CATSPERE: variants seen among roughly 807,000 people sequenced by gnomAD.
CATSPERE encodes cation channel sperm-associated auxiliary subunit epsilon.
Under a neutral mutation model 114.1 loss-of-function variants are expected in CATSPERE, and 93 were observed. That is an observed-to-expected ratio of 0.81 (90% CI 0.69 to 0.97). The LOEUF (loss-of-function observed/expected upper bound fraction) is 0.97, where lower values mean the gene tolerates loss of function less well. Among genes scored for constraint, CATSPERE ranks in the 50% least tolerant of loss-of-function variants. CATSPERE has a pLI of 0.00. For synonymous variants in CATSPERE, 341 were observed against 384.1 expected, an observed-to-expected ratio of 0.89 and a Z score of 1.31; for missense variants, 1,058 against 1,131.6, an observed-to-expected ratio of 0.93 and a Z score of 0.93.
In CATSPERE at chr1:244,470,709, C is replaced by T. The variant is rs1558315580; in HGVS notation, c.114+6753C>T. 2.6e-5 allele frequency among the ~76,000 whole-genome samples: 4 copies of T among 152,132 alleles called. No individual in the cohort carries two copies. In the South Asian group the frequency reaches 6.2e-4, roughly 24 times the overall value. On this transcript the variant is annotated intron_variant, in intron 2 of 21. Coordinates refer to ENST00000366534, the MANE Select transcript of CATSPERE (RefSeq NM_001130957.2). ...TATAATGTCCACACAAAAACTAGTA[C>T]ATGAATGTTCACAGAAGCATTATTC...
rs1171261036 is a variant in CATSPERE at position 244,504,747 on chromosome 1, C to T, written c.429+5668C>T. ...CAGAAGTAAAGTGGCATTCCCATTA[C>T]GCGCAATCAAGGGCGCATACAATCA... On this transcript the variant is annotated intron_variant, in intron 7 of 21. Coordinates refer to ENST00000366534, the MANE Select transcript of CATSPERE (RefSeq NM_001130957.2). This position sits in a 1 kb window ranked among gnomAD's most constrained non-coding sequence, Gnocchi z 4.1. 6.6e-6 allele frequency among the ~76,000 whole-genome samples: 1 copy of T among 152,192 alleles called. No homozygotes were observed. The highest frequency in any genetic ancestry group is 1.5e-5 in the Non-Finnish European group (1 of 68,040).
chr1:244,477,616 TA>T lies in CATSPERE; in HGVS notation c.188+4del. On this transcript the variant is annotated splice_donor_region_variant and intron_variant, in intron 3 of 21. Coordinates refer to ENST00000366534, the MANE Select transcript of CATSPERE (RefSeq NM_001130957.2). The stretch of plus-strand genomic sequence containing the variant: ...AACTTGTTTTGTGCTAAATAAAAGG[TA>T]AGATTTATGCCATGAATATCAATGT... The T allele has an allele frequency of 6.4e-7, 1 of 1,561,566 alleles. No individual in the cohort carries two copies.
intron 8 of CATSPERE, among the ~76,000 whole-genome samples, chr1:244,549,799 G>A (rs971957493): frequency 6.6e-5 from 10 of 152,016 alleles, no homozygotes; most frequent in African/African-American, 2.4e-4. Context: ...GGGGATGCCC[G>A]GATAGCTGGT....
chr1:244,528,825 A>ACACACACACACACACACACACT (rs1471635883), intron 8 of CATSPERE, among the ~76,000 whole-genome samples: 2 of 147,282 alleles, frequency 1.4e-5, no homozygotes, highest in African/African-American at 5.0e-5. Flanking sequence ...ACACACACAC[A>ACACACACACACACACACACACT]CTCTACTCTT....
chr1:244,574,995 C>A (rs1665020849), intron 11 of CATSPERE, among the ~76,000 whole-genome samples: 1 of 152,116 alleles, frequency 6.6e-6, no homozygotes, highest in Non-Finnish European at 1.5e-5. Context: ...ATCTCTGTCT[C>A]TTTCAGTCTC....
At chr1:244,550,856 C>T (rs1430437847) in intron 8 of CATSPERE, among the ~76,000 whole-genome samples, 1 of 152,172 alleles carries the variant, frequency 6.6e-6, no homozygotes, top group Non-Finnish European at 1.5e-5. Flanking sequence ...ATCTTTCAAC[C>T]TGCTGTCATT....
At chr1:244,465,197 G>A (rs888717991) in intron 2 of CATSPERE, among the ~76,000 whole-genome samples, 2 of 151,936 alleles carry the variant, frequency 1.3e-5, no homozygotes, top group African/African-American at 2.4e-5. Context: ...TACCATGCCC[G>A]GCTAATTTTT....
intron 15 of CATSPERE, among the ~76,000 whole-genome samples, chr1:244,592,482 A>G (rs1005207590): frequency 2.6e-5 from 4 of 152,188 alleles, no homozygotes; most frequent in African/African-American, 9.6e-5. Flanking sequence ...TGAAATATTT[A>G]CAAGCATCTT....
In CATSPERE at chr1:244,461,507, C is replaced by A; in HGVS notation, c.65+13C>A. 7.7e-7 allele frequency: 1 copy of A among 1,302,828 alleles called. No individual in the cohort carries two copies. Among genetic ancestry groups the A allele is most frequent in the South Asian group, 2.6e-5 (1 of 38,262 alleles). 80.7% of individuals were successfully genotyped at this position (1,302,828 alleles called of 1,614,324 possible). A position where few individuals can be genotyped will look rare whatever the true frequency, so the allele number is the denominator to read the frequency against. ...CCGCCCTTTGGAGGTAGAGAGACGCCAGTCGCAGGCGAGCGACTAGGCGGG... is the reference window on the plus strand; with the variant it reads ...CCGCCCTTTGGAGGTAGAGAGACGCAAGTCGCAGGCGAGCGACTAGGCGGG... On this transcript the variant is annotated intron_variant, in intron 1 of 21. Coordinates refer to ENST00000366534, the MANE Select transcript of CATSPERE (RefSeq NM_001130957.2).
At chr1:244,456,026 C>G (rs905841280) in intron 1 of CATSPERE, among the ~76,000 whole-genome samples, 17 of 152,062 alleles carry the variant, frequency 1.1e-4, no homozygotes, top group Admixed American at 3.3e-4. Context: ...CTTGGCTCTT[C>G]GCACACTTGG....
At chr1:244,584,037 GCAATACCTCCATA>G (rs577788644) in intron 13 of CATSPERE, 98 bp downstream of exon 13, 14 of 846,862 alleles carry the variant, frequency 1.7e-5, no homozygotes, top group African/African-American at 1.0e-4. Flanking sequence ...ATACCTCCAT[GCAATACCTCCATA>G]CAATACCTCC....
intron 14 of CATSPERE, among the ~76,000 whole-genome samples, chr1:244,589,922 T>A (rs1478851016): frequency 6.6e-6 from 1 of 152,086 alleles, no homozygotes; most frequent in Non-Finnish European, 1.5e-5. Flanking sequence ...CCCTAAAAAC[T>A]CTAATATCTT....
At chr1:244,498,835 T>C (rs1420444287) in intron 6 of CATSPERE, among the ~76,000 whole-genome samples, 167 bp from the exon 7 acceptor site, 1 of 152,038 alleles carries the variant, frequency 6.6e-6, no homozygotes, top group African/African-American at 2.4e-5. Flanking sequence ...GAGGCAGAGG[T>C]TGCAGTGAGC....
chr1:244,516,438 C>G (rs1324283548), intron 7 of CATSPERE, among the ~76,000 whole-genome samples: 64 of 152,232 alleles, frequency 4.2e-4, no homozygotes, highest in Non-Finnish European at 2.9e-5. Context: ...GCCTCAAACT[C>G]CTGGGTTCAC....
chr1:244,542,433 G>A (rs1207231862), intron 8 of CATSPERE, among the ~76,000 whole-genome samples: 1 of 152,116 alleles, frequency 6.6e-6, no homozygotes, highest in Non-Finnish European at 1.5e-5. Context: ...TACCCAAATA[G>A]TGAACATTGT....
At chr1:244,466,221 T>A (rs1043953311) in intron 2 of CATSPERE, among the ~76,000 whole-genome samples, 13 of 152,232 alleles carry the variant, frequency 8.5e-5, no homozygotes, top group African/African-American at 3.1e-4. Flanking sequence ...TCAGGGACTA[T>A]TGTTAATATT....
intron 18 of CATSPERE, among the ~76,000 whole-genome samples, chr1:244,608,233 A>G (rs1226593770): frequency 2.6e-5 from 4 of 151,858 alleles, no homozygotes; most frequent in African/African-American, 9.7e-5. Context: ...AGCAGCCCCC[A>G]TTAAAACTAC....
intron 6 of CATSPERE, among the ~76,000 whole-genome samples, chr1:244,493,413 C>G (rs1027502935): frequency 6.6e-6 from 1 of 152,196 alleles, no homozygotes; most frequent in Non-Finnish European, 1.5e-5. Flanking sequence ...AAAGCTGAAA[C>G]TGGATCCCTT....
At chr1:244,629,996 G>C (rs1673722119) in intron 20 of CATSPERE, among the ~76,000 whole-genome samples, 1 of 152,106 alleles carries the variant, frequency 6.6e-6, no homozygotes, top group African/African-American at 2.4e-5. Context: ...TGCCCTCCAG[G>C]TCATGTATCA....
Sources: gnomAD v4.1 joint callset for allele counts (sites outside exome capture counted in the v4.1 genomes callset) on GRCh38, gnomAD v4.1.1 for gene constraint, Gnocchi (gnomAD v3.1) non-coding constraint, MANE v1.5 for transcripts, NCBI Gene and HGNC (gene_info 2026-07-23, HGNC 2026-07-21) for gene names.